CYGB: variants seen among roughly 807,000 people sequenced by gnomAD.
CYGB encodes the protein histoglobin.
CYGB carries 13 observed loss-of-function variants against 20.7 expected under a neutral mutation model. The observed-to-expected ratio is 0.63, with a 90% CI of 0.41 to 1.00. The LOEUF (loss-of-function observed/expected upper bound fraction) is 1.00. CYGB is among the 50% of genes least tolerant of loss of function. The pLI is 0.00. For missense variants in CYGB, 218 were observed against 257.2 expected, an observed-to-expected ratio of 0.85 and a Z score of 1.04; for synonymous variants, 93 against 107.4, an observed-to-expected ratio of 0.87 and a Z score of 0.83.
chr17:76,540,684 C>A, upstream of CYGB: 1 of 1,086,370 alleles, frequency 9.2e-7, no homozygotes, highest in Non-Finnish European at 1.4e-6. This position sits in a 1 kb window ranked among gnomAD's most constrained non-coding sequence, Gnocchi z 5.0. Flanking sequence ...TGCACCGTAT[C>A]CTGGCCCTTG....
At position 76,531,748 on chromosome 17, in the gene CYGB, G is replaced by T; in HGVS notation, c.144-57C>A. 1 of 1,452,588 alleles carries T rather than the reference G, an allele frequency of 6.9e-7. No individual in the cohort carries two copies. The highest frequency in any genetic ancestry group is 9.4e-7 in the Non-Finnish European group (1 of 1,060,846). 90.0% of individuals were successfully genotyped at this position (1,452,588 alleles called of 1,614,324 possible). ...CTGGAGGCTGCCTCGGGCCCACCCT[G>T]AAGCTTCCAGGATAGTGGGGGCTGA... On this transcript the variant is annotated intron_variant, in intron 1 of 3. Coordinates refer to ENST00000293230, the MANE Select transcript of CYGB (RefSeq NM_134268.5). This position sits in a 1 kb window ranked among gnomAD's most constrained non-coding sequence, Gnocchi z 7.4.
Position 76,531,736 on chromosome 17 carries a change from CG to C in CYGB, c.144-46del. Reference sequence around the variant, plus strand: ...TGGTCGCTGAAGCTGGAGGCTGCCTCGGGCCCACCCTGAAGCTTCCAGGATA... The same window carrying C: ...TGGTCGCTGAAGCTGGAGGCTGCCTCGGCCCACCCTGAAGCTTCCAGGATA... On this transcript the variant is annotated intron_variant, in intron 1 of 3. Transcript: ENST00000293230. This position sits in a 1 kb window ranked among gnomAD's most constrained non-coding sequence, Gnocchi z 7.4. The C allele has an allele frequency of 3.3e-6, 5 of 1,518,430 alleles. No individual in the cohort carries two copies. Among genetic ancestry groups the C allele is most frequent in the Non-Finnish European group, 4.5e-6 (5 of 1,113,936 alleles). 94.1% of individuals were successfully genotyped at this position (1,518,430 alleles called of 1,614,324 possible).
upstream of CYGB, among the ~76,000 whole-genome samples, chr17:76,541,726 C>G: frequency 6.6e-6 from 1 of 152,200 alleles, no homozygotes; most frequent in East Asian, 1.9e-4. Flanking sequence ...TGGGCCTCCC[C>G]CGATAGGAGG....
chr17:76,543,725 G>A (rs2075019173), intron 1 of CYGB: 1 of 467,924 alleles, frequency 2.1e-6, no homozygotes, highest in Non-Finnish European at 4.4e-6. Context: ...ATTCTGTTAA[G>A]CCGCCACTTG....
At chr17:76,541,680 G>A (rs1009681823), upstream of CYGB, among the ~76,000 whole-genome samples, 8 of 152,132 alleles carry the variant, frequency 5.3e-5, no homozygotes, top group African/African-American at 1.9e-4. Context: ...GTGCCTAATT[G>A]ATATCACTAG....
intron 1 of CYGB, among the ~76,000 whole-genome samples, chr17:76,535,743 C>T (rs377077980): frequency 2.6e-5 from 4 of 152,196 alleles, no homozygotes; most frequent in Non-Finnish European, 2.9e-5. Flanking sequence ...GCCCTGGCCT[C>T]GGTGTTTCGT....
At chr17:76,540,173 T>TGGCC, upstream of CYGB, 1 of 1,558,264 alleles carries the variant, frequency 6.4e-7, no homozygotes, top group Non-Finnish European at 8.7e-7. This position sits in a 1 kb window ranked among gnomAD's most constrained non-coding sequence, Gnocchi z 5.0. Context: ...CTCAGCACCC[T>TGGCC]GGCCATGCTC....
chr17:76,540,250 T>TG (rs774019278), upstream of CYGB: 123,444 of 430,586 alleles, frequency 0.29, 10,749 homozygotes, highest in Admixed American at 0.35. This position sits in a 1 kb window ranked among gnomAD's most constrained non-coding sequence, Gnocchi z 5.0. Context: ...TGGCGGTTGG[T>TG]CGGGGGGGGG....
At chr17:76,534,610 C>T (rs2074894773) in intron 1 of CYGB, among the ~76,000 whole-genome samples, 1 of 152,262 alleles carries the variant, frequency 6.6e-6, no homozygotes, top group South Asian at 2.1e-4. Context: ...CTGAGGTAGG[C>T]ACTGTTTTAA....
At chr17:76,542,973 G>A (rs2075009396) in intron 1 of CYGB, 10 of 499,676 alleles carry the variant, frequency 2.0e-5, no homozygotes, top group Admixed American at 1.2e-4. Context: ...TCTGAAATGC[G>A]AGTCCCATCC....
Position 76,537,436 on chromosome 17 carries a change from G to C in CYGB, c.107C>G (p.Ala36Gly). The C allele has an allele frequency of 6.3e-7, 1 of 1,598,536 alleles. No homozygotes were observed. Among genetic ancestry groups the C allele is most frequent in the Non-Finnish European group, 8.5e-7 (1 of 1,172,910 alleles). Residue 36 changes from alanine (A) to glycine (G), a missense_variant, in exon 1 of 4, where the codon GCC (alanine) becomes GGC (glycine). By Grantham distance (60) the Ala-to-Gly change is moderately conservative. Transcript: ENST00000293230. ...GGCCACCCCCACGTCCTCGCAGTTGGCATAGAGCCGGGCCCACATAGCCTG... is the reference window on the plus strand; with the variant it reads ...GGCCACCCCCACGTCCTCGCAGTTGCCATAGAGCCGGGCCCACATAGCCTG... Reference protein sequence around the residue: ...AVQAMWARLYANCEDVGVAIL... With the variant: ...AVQAMWARLYGNCEDVGVAIL...
At chr17:76,541,284 G>GACTC (rs1455272276), upstream of CYGB, among the ~76,000 whole-genome samples, 1 of 152,164 alleles carries the variant, frequency 6.6e-6, no homozygotes, top group East Asian at 1.9e-4. Context: ...TGTGCCTATG[G>GACTC]ACTCACCTAG....
chr17:76,529,032 T>A, intron 3 of CYGB: 2 of 872,008 alleles, frequency 2.3e-6, no homozygotes, highest in Non-Finnish European at 2.7e-6. Context: ...CAGCGCCCCC[T>A]GCAGTCATTG....
intron 1 of CYGB, among the ~76,000 whole-genome samples, chr17:76,536,953 C>T (rs1259927613): frequency 6.6e-6 from 1 of 152,220 alleles, no homozygotes; most frequent in African/African-American, 2.4e-5. Context: ...CTTTGAATCC[C>T]GCAAGCCGCT....
intron 1 of CYGB, chr17:76,550,850 T>C (rs2143220085): frequency 6.6e-6 from 1 of 152,370 alleles, no homozygotes; most frequent in Admixed American, 6.5e-5. Context: ...CTCCCATTTA[T>C]CAAGTGCTTA....
In CYGB at chr17:76,546,775, A is replaced by C. The variant is rs2075057856; in HGVS notation, c.-53+4087T>G. 6.6e-6 allele frequency: 1 copy of C among 152,258 alleles called. No individual in the cohort carries two copies. Among genetic ancestry groups the C allele is most frequent in the Non-Finnish European group, 1.5e-5 (1 of 68,040 alleles). 9.4% of individuals were successfully genotyped at this position (152,258 alleles called of 1,614,324 possible). A position where few individuals can be genotyped will look rare whatever the true frequency, so the allele number is the denominator to read the frequency against. On this transcript the variant is annotated intron_variant, in intron 1 of 3. Transcript: ENST00000589145. The surrounding 1 kb of genome is among the most constrained non-coding windows in gnomAD (Gnocchi z 4.5). Reference sequence around the variant, plus strand: ...AACCACTAACATGCATTGGGCGCTTACTATGTGCTAGGCACTGTGCCAGCT... The same window carrying C: ...AACCACTAACATGCATTGGGCGCTTCCTATGTGCTAGGCACTGTGCCAGCT...
At chr17:76,542,777 C>T (rs2075007258) in intron 1 of CYGB, 1 of 674,026 alleles carries the variant, frequency 1.5e-6, no homozygotes, top group South Asian at 1.7e-5. Context: ...GGCGGATGGA[C>T]TCATGCCTTT....
At chr17:76,542,972 C>T (rs547452241) in intron 1 of CYGB, 18 of 499,034 alleles carry the variant, frequency 3.6e-5, no homozygotes, top group Middle Eastern at 3.1e-4. Flanking sequence ...CTCTGAAATG[C>T]GAGTCCCATC....
upstream of CYGB, among the ~76,000 whole-genome samples, chr17:76,540,845 T>A (rs1045406816): frequency 2.6e-5 from 4 of 152,158 alleles, no homozygotes; most frequent in Non-Finnish European, 5.9e-5. The surrounding 1 kb of genome is among the most constrained non-coding windows in gnomAD (Gnocchi z 5.0). Flanking sequence ...GCACCTTCTG[T>A]CAGAAGGCAC....
Sources: allele counts gnomAD v4.1 joint callset (sites outside exome capture counted in the v4.1 genomes callset), GRCh38; gene constraint gnomAD v4.1.1; non-coding constraint Gnocchi (gnomAD v3.1); transcripts MANE v1.5; gene names NCBI Gene and HGNC (gene_info 2026-07-23, HGNC 2026-07-21).